ANXA3: variants seen among roughly 807,000 people sequenced by gnomAD.
ANXA3 encodes 35-alpha calcimedin.
Under a neutral mutation model 48.8 loss-of-function variants are expected in ANXA3, and 46 were observed. The ratio of observed to expected loss-of-function variants is 0.94; its 90% CI spans 0.74 to 1.21. The LOEUF is 1.21. Ranked by LOEUF, ANXA3 falls within the 50% of genes most tolerant of loss-of-function variation. ANXA3 has a pLI of 0.00. For synonymous variants in ANXA3, 128 were observed against 134.7 expected, an observed-to-expected ratio of 0.95 and a Z score of 0.35; for missense variants, 383 against 378.6, an observed-to-expected ratio of 1.01 and a Z score of -0.10.
chr4:78,594,771 A>G (rs1723380370), intron 7 of ANXA3, among the ~76,000 whole-genome samples: 1 of 152,174 alleles, frequency 6.6e-6, no homozygotes, highest in Non-Finnish European at 1.5e-5. Context: ...TTTGGATACA[A>G]GTTCTTTATC....
chr4:78,557,506 G>T (rs770794512), intron 2 of ANXA3, among the ~76,000 whole-genome samples: 24 of 152,168 alleles, frequency 1.6e-4, no homozygotes, highest in Non-Finnish European at 3.4e-4. Flanking sequence ...GGAGGCTGTT[G>T]TTCTGCCTAC....
At chr4:78,608,442 G>A (rs1723696142) in intron 12 of ANXA3, among the ~76,000 whole-genome samples, 1 of 152,150 alleles carries the variant, frequency 6.6e-6, no homozygotes, top group Non-Finnish European at 1.5e-5. Context: ...CAATGTTTAA[G>A]GAATTTTGGC....
chr4:78,594,739 G>A (rs573326457), intron 7 of ANXA3, among the ~76,000 whole-genome samples: 1 of 152,288 alleles, frequency 6.6e-6, no homozygotes, highest in South Asian at 2.1e-4. Flanking sequence ...TTCATATTGA[G>A]TTTTAAGAGT....
At chr4:78,587,124 C>T (rs956110805) in intron 6 of ANXA3, among the ~76,000 whole-genome samples, 3 of 152,212 alleles carry the variant, frequency 2.0e-5, no homozygotes, top group Non-Finnish European at 2.9e-5. Flanking sequence ...TTGGAAGGGT[C>T]CAGTGGAAGC....
intron 1 of ANXA3, chr4:78,554,190 A>G: frequency 2.8e-6 from 1 of 361,852 alleles, no homozygotes; most frequent in Non-Finnish European, 5.0e-6. Flanking sequence ...TTAAGTACAA[A>G]GATTTTTTTC....
intron 5 of ANXA3, among the ~76,000 whole-genome samples, chr4:78,583,033 T>C (rs1560446242): frequency 6.6e-6 from 1 of 152,102 alleles, no homozygotes. Flanking sequence ...AGGCAGGACA[T>C]AGACTTTAAA....
At position 78,588,875 on chromosome 4, in the gene ANXA3, C is replaced by T. The variant is rs959191981; in HGVS notation, c.403+2525C>T. ...AGAGAATTGCTTAATCATTAATGCACAAAAGAGTATGTTTTAGGTGTTTAA... is the reference window on the plus strand; with the variant it reads ...AGAGAATTGCTTAATCATTAATGCATAAAAGAGTATGTTTTAGGTGTTTAA... On this transcript the variant is annotated intron_variant, in intron 6 of 12. Transcript: ENST00000264908. Among the ~76,000 whole-genome samples, 15 of 152,284 alleles carry T rather than the reference C, an allele frequency of 9.9e-5. No homozygotes were observed. In the South Asian group the frequency reaches 3.1e-3, roughly 32 times the overall value.
intron 10 of ANXA3, among the ~76,000 whole-genome samples, chr4:78,598,992 AC>A (rs1246540142): frequency 6.6e-6 from 1 of 152,232 alleles, no homozygotes; most frequent in African/African-American, 2.4e-5. Context: ...ATAATGTATT[AC>A]ATTTGGGCTA....
At chr4:78,558,584 T>C (rs1722564668) in intron 2 of ANXA3, among the ~76,000 whole-genome samples, 1 of 152,254 alleles carries the variant, frequency 6.6e-6, no homozygotes, top group Non-Finnish European at 1.5e-5. Flanking sequence ...TTCAATGCAT[T>C]ACCATTGAAG....
intron 11 of ANXA3, chr4:78,603,800 T>G (rs1435842915): frequency 6.6e-6 from 1 of 152,344 alleles, no homozygotes; most frequent in African/African-American, 2.4e-5. Context: ...GCGTTCTTTA[T>G]TGCCCTAAAC....
intron 2 of ANXA3, among the ~76,000 whole-genome samples, chr4:78,565,291 T>A (rs1453775642): frequency 1.3e-5 from 2 of 152,096 alleles, no homozygotes; most frequent in Non-Finnish European, 2.9e-5. Flanking sequence ...CCGACTTAGA[T>A]CTTTAACAGA....
intron 8 of ANXA3, 137 bp from the exon 9 acceptor site, chr4:78,595,657 G>T: frequency 5.3e-6 from 4 of 754,558 alleles, no homozygotes; most frequent in East Asian, 5.4e-5. Flanking sequence ...CCCAATTTTT[G>T]ATTTCTAGTC....
chr4:78,606,633 C>G (rs998270879), intron 12 of ANXA3, among the ~76,000 whole-genome samples: 6 of 152,286 alleles, frequency 3.9e-5, no homozygotes, highest in African/African-American at 1.4e-4. Context: ...CTTTCTGCAG[C>G]TATCTTGGGA....
At position 78,610,258 on chromosome 4, in the gene ANXA3, A is replaced by G; in HGVS notation, c.*143A>G. The G allele has an allele frequency of 4.1e-6, 2 of 491,590 alleles. No homozygotes were observed. Among genetic ancestry groups the G allele is most frequent in the South Asian group, 4.2e-5 (1 of 24,026 alleles). 30.5% of individuals were successfully genotyped at this position (491,590 alleles called of 1,614,324 possible). A position where few individuals can be genotyped will look rare whatever the true frequency, so the allele number is the denominator to read the frequency against. On this transcript the variant is annotated 3_prime_UTR_variant, in exon 13 of 13. Coordinates refer to ENST00000264908, the MANE Select transcript of ANXA3 (RefSeq NM_005139.3). ...GAATTTTCATTGTTCTATAACAACA[A>G]CAACAAAAGCGATTATTATTTTAGA...
At chr4:78,569,042 C>T (rs887664883) in intron 2 of ANXA3, among the ~76,000 whole-genome samples, 7 of 152,328 alleles carry the variant, frequency 4.6e-5, no homozygotes, top group East Asian at 1.9e-4. Flanking sequence ...ATGCAGGAAA[C>T]GCGCTTAGCA....
chr4:78,580,746 A>G (rs1334047322), intron 4 of ANXA3, among the ~76,000 whole-genome samples: 2 of 152,172 alleles, frequency 1.3e-5, no homozygotes, highest in African/African-American at 2.4e-5. Context: ...ATTATATTGA[A>G]ATTTTATCTT....
chr4:78,554,609 T>C, intron 2 of ANXA3, 121 bp downstream of exon 2: 1 of 820,346 alleles, frequency 1.2e-6, no homozygotes, highest in Admixed American at 1.9e-5. Context: ...AAAATTAACA[T>C]GCTAGAAAAG....
chr4:78,559,264 A>G (rs1496590), intron 2 of ANXA3, among the ~76,000 whole-genome samples: 109,201 of 151,846 alleles, frequency 0.72, 40,267 homozygotes, highest in East Asian at 0.88. Flanking sequence ...AAATTTTTTT[A>G]TAGAGATGGG....
intron 2 of ANXA3, among the ~76,000 whole-genome samples, chr4:78,563,304 A>G (rs1722661372): frequency 1.3e-5 from 2 of 152,180 alleles, no homozygotes; most frequent in South Asian, 4.1e-4. Flanking sequence ...CAGGTTTCTC[A>G]TCCTCATAGG....
Sources: allele counts gnomAD v4.1 joint callset (sites outside exome capture counted in the v4.1 genomes callset), GRCh38; gene constraint gnomAD v4.1.1; transcripts MANE v1.5; gene names NCBI Gene and HGNC (gene_info 2026-07-23, HGNC 2026-07-21).